Variants in CYTH2 observed in about 807,000 individuals in gnomAD.
The protein encoded by CYTH2 is cytohesin-2.
In CYTH2, 24 loss-of-function variants were observed where a neutral mutation model predicts 55.4. The observed-to-expected ratio is 0.43, with a 90% CI of 0.31 to 0.61. The LOEUF (loss-of-function observed/expected upper bound fraction) is 0.61, where lower values mean the gene tolerates loss of function less well. Among genes scored for constraint, CYTH2 ranks in the 20% least tolerant of loss-of-function variants. CYTH2 has a pLI of 0.08. For synonymous variants in CYTH2, 221 were observed against 209.6 expected (o/e 1.05, Z -0.47); for missense variants, 378 against 533.5 (o/e 0.71, Z 2.87).
chr19:48,475,959 G>A (rs548465765), intron 8 of CYTH2: 19 of 513,330 alleles, frequency 3.7e-5, no homozygotes, highest in African/African-American at 5.8e-5. Flanking sequence ...GGCTTCCCGC[G>A]GCAGCAGGAG....
In CYTH2 at chr19:48,479,805, A is replaced by T. The variant is rs1972014648; in HGVS notation, c.*595A>T. 2.0e-5 allele frequency: 3 copies of T among 151,286 alleles called. No homozygotes were observed. In the South Asian group the frequency reaches 5.9e-4, roughly 30 times the overall value. 9.4% of individuals were successfully genotyped at this position (151,286 alleles called of 1,614,324 possible). A position where few individuals can be genotyped will look rare whatever the true frequency, so the allele number is the denominator to read the frequency against. On this transcript the variant is annotated 3_prime_UTR_variant, in exon 12 of 12. Transcript: ENST00000452733. ...TTTGAGGACAACCTGGAGCTGGAAG[A>T]ACATGCGACCACCTCAGGGAGGGTC... is the stretch of plus-strand genomic sequence containing the variant.
intron 2 of CYTH2, 49 bp from the exon 3 acceptor site, chr19:48,470,554 T>A: frequency 6.2e-7 from 1 of 1,614,086 alleles, no homozygotes; most frequent in Non-Finnish European, 8.5e-7. Flanking sequence ...AGGCCAGGGA[T>A]GCCCAGGCAT....
Position 48,470,687 on chromosome 19 carries a change from A to G in CYTH2, c.234+18A>G. The stretch of plus-strand genomic sequence containing the variant: ...CCAAGAAGGTGCTTGGGGCCACAGG[A>G]CTGGGATCAGCTGGGCAAACATCCA... On this transcript the variant is annotated intron_variant, in intron 3 of 11. Coordinates refer to ENST00000452733, the MANE Select transcript of CYTH2 (RefSeq NM_004228.7). 6.2e-7 allele frequency: 1 copy of G among 1,614,108 alleles called. No individual in the cohort carries two copies. Among genetic ancestry groups the G allele is most frequent in the Non-Finnish European group, 8.5e-7 (1 of 1,179,980 alleles).
Position 48,478,443 on chromosome 19 carries a change from C to G in CYTH2, c.963C>G (p.Cys321Trp), listed in dbSNP as rs1388238596. 1 of 1,613,976 alleles carries G rather than the reference C, an allele frequency of 6.2e-7. No homozygotes were observed. Among genetic ancestry groups the G allele is most frequent in the Non-Finnish European group, 8.5e-7 (1 of 1,179,916 alleles). Residue 321 changes from cysteine to tryptophan, a missense_variant, in exon 11 of 12, where the codon TGC becomes TGG. By Grantham distance (215) the Cys-to-Trp change is radical (BLOSUM62 -2). Transcript: ENST00000452733. ...REVDDPRKPN[C>W]FELYIPNNKG... is the part of the protein sequence containing the mutation. ...CCTTCCTCTCTCGTCCCCAGAACTG[C>G]TTTGAACTTTACATCCCCAACAACA...
chr19:48,473,609 G>A (rs1318574777), intron 5 of CYTH2: 1 of 602,864 alleles, frequency 1.7e-6, no homozygotes, highest in Non-Finnish European at 2.9e-6. Flanking sequence ...TTTGCCTCTT[G>A]TATTTGCCAC....
At position 48,481,194 on chromosome 19, in the gene CYTH2, G is replaced by C. The variant is rs1234396037; in HGVS notation, c.*1984G>C. 2 of 153,054 alleles carry C rather than the reference G, an allele frequency of 1.3e-5. No individual in the cohort carries two copies. Among genetic ancestry groups the C allele is most frequent in the African/African-American group, 4.8e-5 (2 of 41,458 alleles). 9.5% of individuals were successfully genotyped at this position (153,054 alleles called of 1,614,324 possible). A position where few individuals can be genotyped will look rare whatever the true frequency, so the allele number is the denominator to read the frequency against. On this transcript the variant is annotated 3_prime_UTR_variant, in exon 12 of 12. Coordinates refer to ENST00000452733, the MANE Select transcript of CYTH2 (RefSeq NM_004228.7). ...GTGGAGGTGGAGAACGTTGGGCCAC[G>C]CTAGGAGTCTTGAAAGAGGAGCCAA...
Position 48,478,230 on chromosome 19 carries a change from G to A in CYTH2, c.886-45G>A, listed in dbSNP as rs201477560. On this transcript the variant is annotated intron_variant, in intron 9 of 11. Transcript: ENST00000452733. The stretch of plus-strand genomic sequence containing the variant: ...CCTGGGGCTGAGGGAGGTGGGGTGG[G>A]GTGAGGACTTGGAAGTCTGAGTTCT... The A allele has an allele frequency of 2.1e-3, 3,413 of 1,613,204 alleles. 7 individuals are homozygous for A. Among genetic ancestry groups the A allele is most frequent in the Non-Finnish European group, 2.6e-3 (3,075 of 1,179,402 alleles).
rs1396411779 is a variant in CYTH2 at position 48,469,430 on chromosome 19, C to T, written c.-78C>T. On this transcript the variant is annotated 5_prime_UTR_variant, in exon 1 of 12. Coordinates refer to ENST00000452733, the MANE Select transcript of CYTH2 (RefSeq NM_004228.7). The stretch of plus-strand genomic sequence containing the variant: ...TCCCGGGGCGTTTGAGCGGGCTCAC[C>T]CGAGCCCGCGGGCCAACGCGGATCC... 3.1e-6 allele frequency: 4 copies of T among 1,303,660 alleles called. No individual in the cohort carries two copies. Among genetic ancestry groups the T allele is most frequent in the Admixed American group, 4.0e-5 (1 of 24,888 alleles). 80.8% of individuals were successfully genotyped at this position (1,303,660 alleles called of 1,614,324 possible).
intron 4 of CYTH2, 98 bp from the exon 5 acceptor site, chr19:48,473,200 G>A: frequency 7.6e-7 from 1 of 1,319,612 alleles, no homozygotes; most frequent in Non-Finnish European, 1.1e-6. Context: ...GGCAGCTGTG[G>A]TGCAGTAGAG....
chr19:48,472,910 G>C (rs1971833293), intron 4 of CYTH2: 1 of 310,908 alleles, frequency 3.2e-6, no homozygotes, highest in Non-Finnish European at 6.2e-6. Flanking sequence ...GGACGTCTGG[G>C]AATCAGGGAT....
chr19:48,472,300 C>G (rs1569088371), intron 3 of CYTH2, 25 bp from the exon 4 acceptor site: 1 of 1,611,372 alleles, frequency 6.2e-7, no homozygotes, highest in Non-Finnish European at 8.5e-7. Context: ...GCCCTCAGCA[C>G]TGAGACCTTG....
In CYTH2 at chr19:48,477,901, C is replaced by A. The variant is rs1971950876; in HGVS notation, c.809-168C>A. ...GCTGGGGGTGGACGATTCCTGGAGC[C>A]CCAACATGCCTGGCCCTGCTTGTCT... On this transcript the variant is annotated intron_variant, in intron 8 of 11. Transcript: ENST00000452733. 3 of 584,540 alleles carry A rather than the reference C, an allele frequency of 5.1e-6. No individual in the cohort carries two copies. In the East Asian group the frequency reaches 8.4e-5, roughly 16 times the overall value. 36.2% of individuals were successfully genotyped at this position (584,540 alleles called of 1,614,324 possible).
At chr19:48,478,219 A>AGGTGG (rs1426301845) in intron 9 of CYTH2, 56 bp from the exon 10 acceptor site, 9 of 1,611,702 alleles carry the variant, frequency 5.6e-6, no homozygotes, top group Middle Eastern at 3.3e-4. Flanking sequence ...GGGCTGAGGG[A>AGGTGG]GGTGGGGTGG....
chr19:48,481,755 CATCT>C lies in CYTH2; in HGVS notation c.*2546_*2549del, dbSNP rs1972048761. The C allele has an allele frequency of 6.5e-6, 1 of 152,808 alleles. No homozygotes were observed. Among genetic ancestry groups the C allele is most frequent in the South Asian group, 2.0e-4 (1 of 4,980 alleles). The allele number at this position is 152,808 out of a possible 1,614,324, so 9.5% of individuals were successfully genotyped here. On this transcript the variant is annotated 3_prime_UTR_variant, in exon 12 of 12. Transcript: ENST00000452733. The stretch of plus-strand genomic sequence containing the variant: ...CTCGAACTCCTGACCTCAGGCGATC[CATCT>C]GTCTCAGCCTCCCAAAGTGCTGGGA...
intron 9 of CYTH2, 31 bp downstream of exon 9, chr19:48,478,176 C>T (rs1314487953): frequency 7.4e-6 from 12 of 1,612,948 alleles, no homozygotes; most frequent in Non-Finnish European, 9.3e-6. Flanking sequence ...GCTCTGGGGT[C>T]CTGGGCGGAG....
rs17853856 is a variant in CYTH2, at chr19:48,478,303, T to C, written c.914T>C (p.Leu305Pro). 6.2e-7 allele frequency: 1 copy of C among 1,613,912 alleles called. No homozygotes were observed. The highest frequency in any genetic ancestry group is 1.1e-5 in the South Asian group (1 of 91,084). ...TDKEPRGIIP[L>P]ENLSIREVDD... ...AAGGAGCCCCGAGGAATCATCCCCC[T>C]GGAGAATCTGAGCATCCGAGAGGTG... Residue 305 changes from leucine (L) to proline (P), a missense_variant, in exon 10 of 12, where the codon CTG (leucine) becomes CCG (proline). By Grantham distance (98) the Leu-to-Pro change is moderately conservative. Coordinates refer to ENST00000452733, the MANE Select transcript of CYTH2 (RefSeq NM_004228.7).
At chr19:48,473,190 G>A (rs750869675) in intron 4 of CYTH2, 108 bp from the exon 5 acceptor site, 116 of 1,215,126 alleles carry the variant, frequency 9.5e-5, no homozygotes, top group Non-Finnish European at 1.4e-4. Flanking sequence ...CTCGGCAGTG[G>A]GCAGCTGTGG....
chr19:48,472,471 G>GCCCCCCCCCACC, intron 4 of CYTH2, 28 bp downstream of exon 4: 1 of 1,584,682 alleles, frequency 6.3e-7, no homozygotes, highest in Non-Finnish European at 8.6e-7. Flanking sequence ...CTCCTGTGGG[G>GCCCCCCCCCACC]CCCCTCCCTC....
In CYTH2 at chr19:48,479,786, G is replaced by A. The variant is rs1413783171; in HGVS notation, c.*576G>A. 3 of 156,196 alleles carry A rather than the reference G, an allele frequency of 1.9e-5. No homozygotes were observed. Among genetic ancestry groups the A allele is most frequent in the Admixed American group, 6.2e-5 (1 of 16,236 alleles). 9.7% of individuals were successfully genotyped at this position (156,196 alleles called of 1,614,324 possible). A position where few individuals can be genotyped will look rare whatever the true frequency, so the allele number is the denominator to read the frequency against. Reference sequence around the variant, plus strand: ...TTGTGAGCTGGGCCAGGGCTTTGAGGACAACCTGGAGCTGGAAGAACATGC... The same window carrying A: ...TTGTGAGCTGGGCCAGGGCTTTGAGAACAACCTGGAGCTGGAAGAACATGC... On this transcript the variant is annotated 3_prime_UTR_variant, in exon 12 of 12. Transcript: ENST00000452733.
Sources: allele counts gnomAD v4.1 joint callset, GRCh38; gene constraint gnomAD v4.1.1; transcripts MANE v1.5; gene names NCBI Gene and HGNC (gene_info 2026-07-23, HGNC 2026-07-21).